The following PHACTR4 variants were observed in gnomAD, a reference collection of about 807,000 sequenced individuals.
The protein encoded by PHACTR4 is phosphatase and actin regulator 4.
In PHACTR4, 51 loss-of-function variants were observed where a neutral mutation model predicts 72.7. The observed-to-expected ratio is 0.70, with a 90% CI of 0.56 to 0.89. The LOEUF is 0.89. Ranked by LOEUF, PHACTR4 falls within the 40% of genes least tolerant of loss-of-function variation. PHACTR4 has a pLI of 0.00. For missense variants in PHACTR4, 731 were observed against 861.8 expected (o/e 0.85, Z 1.90); for synonymous variants, 255 against 302.5 (o/e 0.84, Z 1.63).
chr1:28,370,104 T>C (rs1343747716), intron 1 of PHACTR4, among the ~76,000 whole-genome samples: 1 of 151,678 alleles, frequency 6.6e-6, no homozygotes, highest in Non-Finnish European at 1.5e-5. Flanking sequence ...CCCTTTTGTC[T>C]GGGCTGCGTT....
chr1:28,392,789 T>G (rs985863298), intron 1 of PHACTR4, among the ~76,000 whole-genome samples: 1 of 152,094 alleles, frequency 6.6e-6, no homozygotes, highest in Non-Finnish European at 1.5e-5. Flanking sequence ...AAATCTATAG[T>G]AAAAATGATT....
In PHACTR4 at chr1:28,473,649, A is replaced by G; in HGVS notation, c.919A>G (p.Thr307Ala). The change falls in exon 7 of 14, where the codon ACC (threonine) becomes GCC (alanine). Residue 307 changes from threonine (T) to alanine (A), a missense_variant. Around this residue, in one of 2 missense-constraint regions of PHACTR4, gnomAD observed 621 missense variants for 676.6 expected, o/e 0.92. Coordinates refer to ENST00000373839, the MANE Select transcript of PHACTR4 (RefSeq NM_001048183.3). Reference sequence around the variant, plus strand: ...AGGCATTCCATCAACCTCAGTACCCACCTTGGAGTCTGCTGCTGCCATCAC... The same window carrying G: ...AGGCATTCCATCAACCTCAGTACCCGCCTTGGAGTCTGCTGCTGCCATCAC... ...KRGIPSTSVP[T>A]LESAAAITTK... 6.2e-7 allele frequency: 1 copy of G among 1,613,946 alleles called. No homozygotes were observed. Among genetic ancestry groups the G allele is most frequent in the Non-Finnish European group, 8.5e-7 (1 of 1,179,964 alleles).
intron 1 of PHACTR4, among the ~76,000 whole-genome samples, chr1:28,395,467 T>G (rs1039430519): frequency 2.0e-5 from 3 of 152,104 alleles, no homozygotes; most frequent in Non-Finnish European, 4.4e-5. Context: ...ACACCTCTGT[T>G]TTAAAGAGCT....
chr1:28,393,191 G>A (rs1653193727), intron 1 of PHACTR4, among the ~76,000 whole-genome samples: 1 of 152,040 alleles, frequency 6.6e-6, no homozygotes, highest in African/African-American at 2.4e-5. Flanking sequence ...TAAGCTATTG[G>A]TGATACCAAT....
chr1:28,375,828 G>A (rs1489683801), intron 1 of PHACTR4, among the ~76,000 whole-genome samples: 2 of 152,218 alleles, frequency 1.3e-5, no homozygotes, highest in African/African-American at 4.8e-5. Context: ...CCAGGACTGT[G>A]GGAGGCCGAG....
At chr1:28,462,907 A>G (rs74064851) in intron 4 of PHACTR4, among the ~76,000 whole-genome samples, 15,838 of 152,210 alleles carry the variant, frequency 0.1, 1,907 homozygotes, top group African/African-American at 0.3. Context: ...ACTTAAAGGG[A>G]ACTTTTGGCT....
rs1659200147 is a variant in PHACTR4, at chr1:28,466,745, A to T, written c.800A>T (p.His267Leu). 8 of 1,611,300 alleles carry T rather than the reference A, an allele frequency of 5.0e-6. 1 individual carries two copies. In the African/African-American group the frequency reaches 9.3e-5, roughly 19 times the overall value. Residue 267 changes from histidine to leucine, a missense_variant, in exon 6 of 14, where the codon CAC (histidine) becomes CTC (leucine). Transcript: ENST00000373839. Reference sequence around the variant, plus strand: ...CCTATCCCTCCCCCTAAACCAGCTCACAGAAATAGCAACCCTGTCATTGGT... The same window carrying T: ...CCTATCCCTCCCCCTAAACCAGCTCTCAGAAATAGCAACCCTGTCATTGGT... ...QPPIPPPKPA[H>L]RNSNPVIAEL...
At chr1:28,399,438 G>A (rs1653781918) in intron 1 of PHACTR4, among the ~76,000 whole-genome samples, 2 of 151,954 alleles carry the variant, frequency 1.3e-5, no homozygotes, top group African/African-American at 2.4e-5. Context: ...ACCACTTTTC[G>A]GTATTCACAT....
At position 28,466,631 on chromosome 1, in the gene PHACTR4, C is replaced by T. The variant is rs1257021590; in HGVS notation, c.686C>T (p.Pro229Leu). ...GTTAATCTCTCTGTCACCCCTTCCC[C>T]AGCACCCAGGACTCTGCCTGCTGCT... ...KTVNLSVTPS[P>L]APRTLPAAPA... Residue 229 changes from proline (P) to leucine (L), a missense_variant, in exon 6 of 14, where the codon CCA (proline) becomes CTA (leucine). Coordinates refer to ENST00000373839, the MANE Select transcript of PHACTR4 (RefSeq NM_001048183.3). 1.9e-6 allele frequency: 3 copies of T among 1,613,896 alleles called. No individual in the cohort carries two copies. Among genetic ancestry groups the T allele is most frequent in the African/African-American group, 1.3e-5 (1 of 74,898 alleles).
intron 6 of PHACTR4, among the ~76,000 whole-genome samples, chr1:28,472,252 C>G (rs1659608943): frequency 6.6e-6 from 1 of 151,796 alleles, no homozygotes; most frequent in Non-Finnish European, 1.5e-5. Flanking sequence ...GTCAAATAGT[C>G]AGAGACTTGG....
chr1:28,403,309 T>C (rs796860458), intron 1 of PHACTR4, among the ~76,000 whole-genome samples: 8 of 152,300 alleles, frequency 5.3e-5, no homozygotes, highest in African/African-American at 1.9e-4. Flanking sequence ...AAATGACCTT[T>C]TAGAGTTGTC....
At chr1:28,402,579 C>G (rs554065060) in intron 1 of PHACTR4, among the ~76,000 whole-genome samples, 2 of 152,168 alleles carry the variant, frequency 1.3e-5, no homozygotes, top group East Asian at 3.9e-4. Context: ...TAGTGAGACC[C>G]CGTCTCTACA....
chr1:28,448,373 A>T (rs1246937397), intron 2 of PHACTR4, among the ~76,000 whole-genome samples: 1 of 150,874 alleles, frequency 6.6e-6, no homozygotes, highest in Non-Finnish European at 1.5e-5. Flanking sequence ...ACAGAGCAAG[A>T]CTTTGTTTCA....
intron 1 of PHACTR4, among the ~76,000 whole-genome samples, chr1:28,400,919 T>A (rs925226488): frequency 6.6e-6 from 1 of 152,110 alleles, no homozygotes; most frequent in Non-Finnish European, 1.5e-5. Flanking sequence ...ATGGGAAATA[T>A]GTGATAGTGG....
intron 4 of PHACTR4, among the ~76,000 whole-genome samples, chr1:28,461,612 GACA>G (rs1658813623): frequency 6.6e-6 from 1 of 152,116 alleles, no homozygotes; most frequent in African/African-American, 2.4e-5. Context: ...ACTAACCAGA[GACA>G]ACAAGCTTGA....
At chr1:28,460,384 T>A in intron 4 of PHACTR4, 92 bp downstream of exon 4, 1 of 945,140 alleles carries the variant, frequency 1.1e-6, no homozygotes, top group Non-Finnish European at 1.6e-6. Flanking sequence ...TTCTTTCTTT[T>A]ATATTGCTAT....
At chr1:28,407,290 C>A in intron 1 of PHACTR4, 120 bp from the exon 2 acceptor site, 4 of 436,638 alleles carry the variant, frequency 9.2e-6, no homozygotes, top group Non-Finnish European at 4.0e-6. Context: ...TTGTACATTT[C>A]TATAATGTTC....
Position 28,477,463 on chromosome 1 carries a change from G to A in PHACTR4, c.1606+1172G>A, listed in dbSNP as rs180747783. On this transcript the variant is annotated intron_variant, in intron 8 of 13. Transcript: ENST00000373839. ...TCTAGGATTACAGGCATGAGCCACCGTGCCTAGCCTATTTTTAATTTTTAT... is the reference window on the plus strand; with the variant it reads ...TCTAGGATTACAGGCATGAGCCACCATGCCTAGCCTATTTTTAATTTTTAT... 4.0e-5 allele frequency among the ~76,000 whole-genome samples: 6 copies of A among 151,508 alleles called. No individual in the cohort carries two copies. In the East Asian group the frequency reaches 5.9e-4, roughly 15 times the overall value.
intron 4 of PHACTR4, 64 bp downstream of exon 4, chr1:28,460,356 G>A (rs921952364): frequency 3.5e-5 from 41 of 1,166,680 alleles, no homozygotes; most frequent in Admixed American, 3.2e-4. Flanking sequence ...TGGGTCTGAC[G>A]AGATATTTGA....
Sources: gnomAD v4.1 joint callset for allele counts (sites outside exome capture counted in the v4.1 genomes callset) on GRCh38, gnomAD v4.1.1 for gene constraint, gnomAD v4.1.1 regional missense constraint, MANE v1.5 for transcripts, NCBI Gene and HGNC (gene_info 2026-07-23, HGNC 2026-07-21) for gene names.